The following NRXN3 variants were observed in gnomAD, a reference collection of about 807,000 sequenced individuals.
The protein encoded by NRXN3 is neurexin III.
In NRXN3, 32 loss-of-function variants were observed where a neutral mutation model predicts 137.6. The observed-to-expected ratio is 0.23, with a 90% CI of 0.18 to 0.31. The LOEUF is 0.31. NRXN3 is among the 10% of genes least tolerant of loss of function. NRXN3 has a pLI of 1.00. For missense variants in NRXN3, 1,574 were observed against 2,062.5 expected (o/e 0.76, Z 4.59); for synonymous variants, 798 against 784.5 (o/e 1.02, Z -0.29).
chr14:78,575,337 A>T (rs192118510), intron 4 of NRXN3, among the ~76,000 whole-genome samples: 12 of 152,316 alleles, frequency 7.9e-5, no homozygotes, highest in Non-Finnish European at 1.5e-4. Context: ...GTGTAGTTGC[A>T]GGTTTTCAGG....
intron 16 of NRXN3, among the ~76,000 whole-genome samples, chr14:79,471,347 T>A (rs2096504592): frequency 6.6e-6 from 1 of 152,150 alleles, no homozygotes; most frequent in African/African-American, 2.4e-5. Flanking sequence ...CTAGCTTCCA[T>A]TAGTCATGTC....
intron 15 of NRXN3, among the ~76,000 whole-genome samples, chr14:79,204,262 C>T (rs568582880): frequency 6.6e-6 from 1 of 151,822 alleles, no homozygotes; most frequent in Admixed American, 6.6e-5. Flanking sequence ...CTTCTGCTTG[C>T]TCTGGTATAT....
chr14:78,194,858 G>A (rs532913157), intron 1 of NRXN3, among the ~76,000 whole-genome samples: 78 of 152,312 alleles, frequency 5.1e-4, no homozygotes, highest in Non-Finnish European at 9.8e-4. Context: ...CCCGGCTGGC[G>A]CTGACCCCCT....
At chr14:78,942,852 A>T (rs189044667) in intron 10 of NRXN3, among the ~76,000 whole-genome samples, 16 of 152,340 alleles carry the variant, frequency 1.1e-4, no homozygotes, top group African/African-American at 3.8e-4. Context: ...TATTATATGT[A>T]TCAAAACATC....
intron 16 of NRXN3, among the ~76,000 whole-genome samples, chr14:79,479,181 G>T (rs2096585196): frequency 6.6e-6 from 1 of 152,046 alleles, no homozygotes; most frequent in Non-Finnish European, 1.5e-5. Flanking sequence ...AAACTTTTTT[G>T]AAAATAATTC....
At chr14:78,600,336 A>G (rs1032587909) in intron 4 of NRXN3, among the ~76,000 whole-genome samples, 3 of 152,118 alleles carry the variant, frequency 2.0e-5, no homozygotes, top group African/African-American at 7.2e-5. Context: ...TGTATCTTAC[A>G]CTCATATGAC....
chr14:78,605,291 A>C (rs143850923), intron 4 of NRXN3, among the ~76,000 whole-genome samples: 1,660 of 152,340 alleles, frequency 0.011, 13 homozygotes, highest in South Asian at 0.028. Context: ...TTGACATCTA[A>C]CTGTATAAGT....
At chr14:78,288,791 C>G (rs1226766685) in intron 3 of NRXN3, among the ~76,000 whole-genome samples, 2 of 152,180 alleles carry the variant, frequency 1.3e-5, no homozygotes, top group Non-Finnish European at 2.9e-5. Context: ...CCACTCCTTC[C>G]CCACTAAGAG....
chr14:79,095,747 T>C (rs141928358), intron 15 of NRXN3, among the ~76,000 whole-genome samples: 148 of 152,314 alleles, frequency 9.7e-4, no homozygotes, highest in African/African-American at 3.3e-3. Flanking sequence ...CCACTGGAAT[T>C]CTTGCGAAGG....
intron 15 of NRXN3, among the ~76,000 whole-genome samples, chr14:79,132,050 G>A (rs373041488): frequency 1.1e-4 from 17 of 152,332 alleles, no homozygotes; most frequent in South Asian, 2.1e-4. Context: ...CGCACGGTGC[G>A]TGCACCCACT....
At chr14:79,091,203 A>C (rs1238683124) in intron 15 of NRXN3, among the ~76,000 whole-genome samples, 1 of 151,998 alleles carries the variant, frequency 6.6e-6, no homozygotes, top group African/African-American at 2.4e-5. Flanking sequence ...TTATAAAAGC[A>C]CTTAGCTTAT....
At chr14:78,926,784 A>C in intron 10 of NRXN3, among the ~76,000 whole-genome samples, 1 of 27,836 alleles carries the variant, frequency 3.6e-5, no homozygotes, top group South Asian at 8.0e-4. Context: ...TATATATAAA[A>C]TATATTATAT....
intron 16 of NRXN3, among the ~76,000 whole-genome samples, chr14:79,471,137 T>C (rs1352360747): frequency 1.3e-5 from 2 of 152,144 alleles, no homozygotes; most frequent in African/African-American, 2.4e-5. Context: ...AGTGGACTTA[T>C]TTGAAGGAAG....
At chr14:79,356,107 T>C (rs1169236767) in intron 15 of NRXN3, among the ~76,000 whole-genome samples, 1 of 152,184 alleles carries the variant, frequency 6.6e-6, no homozygotes, top group Non-Finnish European at 1.5e-5. Context: ...AGTCTAACAA[T>C]AGAGAAGAAT....
chr14:79,071,204 C>T (rs780159880), intron 15 of NRXN3, among the ~76,000 whole-genome samples: 12 of 127,194 alleles, frequency 9.4e-5, no homozygotes, highest in Non-Finnish European at 1.7e-4. Flanking sequence ...TCTAATTTAG[C>T]GGAAGAAACA....
intron 15 of NRXN3, among the ~76,000 whole-genome samples, chr14:79,442,831 G>A (rs940053505): frequency 1.3e-5 from 2 of 152,118 alleles, no homozygotes; most frequent in Non-Finnish European, 2.9e-5. Flanking sequence ...GTAGAACCTT[G>A]AGCAGGGACA....
intron 10 of NRXN3, among the ~76,000 whole-genome samples, chr14:78,916,123 T>C (rs2099254739): frequency 6.6e-6 from 1 of 152,028 alleles, no homozygotes; most frequent in Non-Finnish European, 1.5e-5. Context: ...TGAGAATATA[T>C]TTTACATTAC....
intron 4 of NRXN3, among the ~76,000 whole-genome samples, chr14:78,421,816 G>C (rs928368233): frequency 6.6e-6 from 1 of 152,024 alleles, no homozygotes; most frequent in African/African-American, 2.4e-5. Context: ...GAGCCACCAC[G>C]CCTGGCCTGA....
chr14:79,481,621 A>T (rs2036468993), intron 16 of NRXN3, among the ~76,000 whole-genome samples: 1 of 152,212 alleles, frequency 6.6e-6, no homozygotes, highest in African/African-American at 2.4e-5. Context: ...GAATGTAACA[A>T]CCCAGTGGGT....
Sources: gnomAD v4.1 joint callset for allele counts (sites outside exome capture counted in the v4.1 genomes callset) on GRCh38, gnomAD v4.1.1 for gene constraint, MANE v1.5 for transcripts, NCBI Gene and HGNC (gene_info 2026-07-23, HGNC 2026-07-21) for gene names.